The following TBX18 variants were observed in gnomAD, a reference collection of about 807,000 sequenced individuals.
TBX18 encodes the protein T-box transcription factor TBX18.
A neutral mutation model predicts 55.0 loss-of-function variants in TBX18; 21 were observed. The ratio of observed to expected loss-of-function variants is 0.38; its 90% CI spans 0.27 to 0.55. The LOEUF is 0.55. TBX18 is among the 20% of genes least tolerant of loss of function. The pLI is 0.73. For synonymous variants in TBX18, 342 were observed against 326.1 expected (o/e 1.05, Z -0.53); for missense variants, 840 against 799.6 (o/e 1.05, Z -0.61).
At chr6:84,745,768 T>C (rs1466612898) in intron 5 of TBX18, among the ~76,000 whole-genome samples, 2 of 152,170 alleles carry the variant, frequency 1.3e-5, no homozygotes, top group Non-Finnish European at 2.9e-5. Context: ...TGGTGCCTTG[T>C]TAAAACAGAG....
At chr6:84,745,318 G>GC (rs1470118013) in intron 5 of TBX18, among the ~76,000 whole-genome samples, 1 of 151,968 alleles carries the variant, frequency 6.6e-6, no homozygotes, top group East Asian at 1.9e-4. Context: ...TCTCCACTTT[G>GC]CCCAGAGGAA....
At position 84,737,422 on chromosome 6, in the gene TBX18, T is replaced by C. The variant is rs746303766; in HGVS notation, c.1100-13A>G. The C allele has an allele frequency of 1.3e-6, 2 of 1,505,708 alleles. No homozygotes were observed. Among genetic ancestry groups the C allele is most frequent in the East Asian group, 2.3e-5 (1 of 43,522 alleles). The allele number at this position is 1,505,708 out of a possible 1,614,324, so 93.3% of individuals were successfully genotyped here. On this transcript the variant is annotated splice_polypyrimidine_tract_variant and intron_variant, in intron 7 of 7. Transcript: ENST00000369663. ...GAACTTGCATTGCCTACAAAAGAAG[T>C]TGAAATGTAAAGAATGACTCCACAG... is the stretch of plus-strand genomic sequence containing the variant.
At chr6:84,762,948 C>T (rs1767695833) in intron 1 of TBX18, 200 bp from the exon 2 acceptor site, 1 of 619,154 alleles carries the variant, frequency 1.6e-6, no homozygotes, top group Non-Finnish European at 2.8e-6. Context: ...GCATTCAGAG[C>T]TCCAGTGTGG....
intron 6 of TBX18, chr6:84,742,013 T>C (rs1211958756): frequency 6.6e-6 from 1 of 152,152 alleles, no homozygotes; most frequent in African/African-American, 2.4e-5. Flanking sequence ...TATAGATATT[T>C]AGCATTCCAA....
At chr6:84,757,914 T>G (rs893558280) in intron 3 of TBX18, among the ~76,000 whole-genome samples, 1 of 152,138 alleles carries the variant, frequency 6.6e-6, no homozygotes, top group Admixed American at 6.5e-5. Flanking sequence ...AATTTGCAAA[T>G]AGTCTCAGAA....
At chr6:84,743,167 C>T (rs1301988478) in intron 6 of TBX18, among the ~76,000 whole-genome samples, 8 of 152,164 alleles carry the variant, frequency 5.3e-5, no homozygotes, top group Non-Finnish European at 8.8e-5. Context: ...TCTACCTGCA[C>T]TAAGTTGAAG....
intron 6 of TBX18, among the ~76,000 whole-genome samples, chr6:84,743,768 T>C (rs749308493): frequency 6.6e-5 from 10 of 152,308 alleles, no homozygotes; most frequent in Admixed American, 2.0e-4. Flanking sequence ...TATGTGGCTG[T>C]CAGCAGAGCC....
At position 84,763,804 on chromosome 6, in the gene TBX18, G is replaced by A. The variant is rs183745801; in HGVS notation, c.292+86C>T. 214 of 1,426,488 alleles carry A rather than the reference G, an allele frequency of 1.5e-4. 2 individuals carry two copies. In the East Asian group the frequency reaches 4.4e-3, roughly 29 times the overall value. 88.4% of individuals were successfully genotyped at this position (1,426,488 alleles called of 1,614,324 possible). ...GGCTGAGTGGCCTTGGCCATGTAGG[G>A]ACGCGGCGCGCACGCACACCCACAG... On this transcript the variant is annotated intron_variant, in intron 1 of 7. Coordinates refer to ENST00000369663, the MANE Select transcript of TBX18 (RefSeq NM_001080508.3).
rs774185247 is a variant in TBX18 at position 84,764,173 on chromosome 6, C to G, written c.9G>C (p.Glu3Asp). 2.0e-6 allele frequency: 3 copies of G among 1,484,522 alleles called. No individual in the cohort carries two copies. The highest frequency in any genetic ancestry group is 1.8e-6 in the Non-Finnish European group (2 of 1,125,290). The allele number at this position is 1,484,522 out of a possible 1,614,324, so 92.0% of individuals were successfully genotyped here. ...TGCTGCACGGCGAGCCCCTTCGCTT[C>G]TCGGCCATCCCCCCCGCCCCGCGCC... MA[E>D]KRRGSPCSML... The change falls in exon 1 of 8, where the codon GAG (glutamate) becomes GAC (aspartate). Residue 3 changes from glutamate to aspartate, a missense_variant. Physicochemically the swap from Glu to Asp is conservative, Grantham distance 45. Coordinates refer to ENST00000369663, the MANE Select transcript of TBX18 (RefSeq NM_001080508.3).
chr6:84,762,597 G>A lies in TBX18; in HGVS notation c.444C>T (p.Leu148=). The change falls in exon 2 of 8, where the codon CTC becomes CTT. Residue 148 remains leucine, a synonymous_variant. Transcript: ENST00000369663. The part of the protein sequence containing the change: ...APRVDLQGAE[L]WKRFHEIGTE... ...TGCCTATCTCATGAAAGCGCTTCCA[G>A]AGCTCGGCTCCCTGCAGATCCACCC... is the stretch of plus-strand genomic sequence containing the variant. 3 of 1,613,900 alleles carry A rather than the reference G, an allele frequency of 1.9e-6. No homozygotes were observed. Among genetic ancestry groups the A allele is most frequent in the South Asian group, 2.2e-5 (2 of 91,080 alleles).
intron 3 of TBX18, among the ~76,000 whole-genome samples, chr6:84,758,344 G>C (rs773647855): frequency 6.6e-6 from 1 of 150,420 alleles, no homozygotes; most frequent in Non-Finnish European, 1.5e-5. Context: ...GGAGGCGGAG[G>C]TTCCAGTGAG....
Position 84,740,518 on chromosome 6 carries a change from G to A in TBX18, c.1005-1927C>T, listed in dbSNP as rs556289808. 5.9e-5 allele frequency among the ~76,000 whole-genome samples: 9 copies of A among 152,136 alleles called. No individual in the cohort carries two copies. The South Asian group carries it at 1.9e-3, about 32-fold the overall frequency. ...AAATCCAAGTTCATGCCACTTGATA[G>A]TATTTTCTGTACTAGTGTATTGATT... On this transcript the variant is annotated intron_variant, in intron 6 of 7. Transcript: ENST00000369663.
chr6:84,736,632 G>A lies in TBX18; in HGVS notation c.*53C>T. 2.1e-6 allele frequency: 3 copies of A among 1,451,410 alleles called. No homozygotes were observed. Among genetic ancestry groups the A allele is most frequent in the East Asian group, 2.5e-5 (1 of 40,278 alleles). 89.9% of individuals were successfully genotyped at this position (1,451,410 alleles called of 1,614,324 possible). A position where few individuals can be genotyped will look rare whatever the true frequency, so the allele number is the denominator to read the frequency against. ...TTCTTTCCACATAGCTTTTAAAAAA[G>A]AAAAAGAAAATATGTTAGACAGATC... is the stretch of plus-strand genomic sequence containing the variant. On this transcript the variant is annotated 3_prime_UTR_variant, in exon 8 of 8. Transcript: ENST00000369663.
chr6:84,738,560 CAT>C lies in TBX18; in HGVS notation c.1034_1035del (p.Tyr345CysfsTer13). The C allele has an allele frequency of 6.2e-7, 1 of 1,614,032 alleles. No homozygotes were observed. The highest frequency in any genetic ancestry group is 8.5e-7 in the Non-Finnish European group (1 of 1,179,986). On this transcript the variant is annotated frameshift_variant, in exon 7 of 8. Coordinates refer to ENST00000369663, the MANE Select transcript of TBX18 (RefSeq NM_001080508.3). LOFTEE classifies it high-confidence loss of function. ...RMGLEALVES[Y>X]AFWRPSLRTL... ...GTCCGTAGTGATGGTCGCCAGAATG[CAT>C]ATGATTCCACCAAGGCTTCCAAACC...
intron 6 of TBX18, 133 bp downstream of exon 6, chr6:84,744,128 G>A (rs1767119564): frequency 1.2e-6 from 1 of 804,882 alleles, no homozygotes; most frequent in Non-Finnish European, 2.0e-6. Context: ...TTATCTCCGA[G>A]GCACAACAGT....
At position 84,763,928 on chromosome 6, in the gene TBX18, G is replaced by C; in HGVS notation, c.254C>G (p.Pro85Arg). Residue 85 changes from proline (P) to arginine (R), a missense_variant, in exon 1 of 8, where the codon CCG becomes CGG. Transcript: ENST00000369663. ...CTCCAGGTCTGCGCCACTCCGAGCC[G>C]GCCCAGACGTCGCCCCAGCCGGCGG... is the stretch of plus-strand genomic sequence containing the variant. ...LPPPAGATSG[P>R]ARSGADLERG... 1 of 1,573,502 alleles carries C rather than the reference G, an allele frequency of 6.4e-7. No homozygotes were observed. Among genetic ancestry groups the C allele is most frequent in the Non-Finnish European group, 8.6e-7 (1 of 1,165,850 alleles).
intron 2 of TBX18, among the ~76,000 whole-genome samples, chr6:84,761,249 T>C (rs775183797): frequency 4.6e-5 from 7 of 152,212 alleles, no homozygotes; most frequent in Non-Finnish European, 1.0e-4. Context: ...TTTGTTAATT[T>C]AACCTTATAA....
chr6:84,749,728 T>A (rs1195159083), intron 4 of TBX18, among the ~76,000 whole-genome samples: 1 of 152,106 alleles, frequency 6.6e-6, no homozygotes, highest in Non-Finnish European at 1.5e-5. Context: ...AAGGGAAGAA[T>A]TTTAATGACC....
chr6:84,761,816 C>T (rs1222019901), intron 2 of TBX18, among the ~76,000 whole-genome samples: 1 of 152,116 alleles, frequency 6.6e-6, no homozygotes, highest in Admixed American at 6.5e-5. Context: ...AACCGATGTA[C>T]CTTTTTATAA....
Sources: gnomAD v4.1 joint callset for allele counts (sites outside exome capture counted in the v4.1 genomes callset) on GRCh38, gnomAD v4.1.1 for gene constraint, MANE v1.5 for transcripts, NCBI Gene and HGNC (gene_info 2026-07-23, HGNC 2026-07-21) for gene names.